F12: variants seen among roughly 807,000 people sequenced by gnomAD.
F12 encodes Hageman factor.
Under a neutral mutation model 74.8 loss-of-function variants are expected in F12, and 70 were observed. The observed-to-expected ratio is 0.94, with a 90% CI of 0.77 to 1.14. The LOEUF is 1.14. Among genes scored for constraint, F12 ranks in the 50% most tolerant of loss-of-function variants. The pLI, the probability that F12 is intolerant of heterozygous loss-of-function variation, is 0.00. For synonymous variants in F12, 373 were observed against 356.4 expected (o/e 1.05, Z -0.52); for missense variants, 811 against 835.7 (o/e 0.97, Z 0.36).
intron 3 of F12, 61 bp downstream of exon 3, chr5:177,405,901 G>T: frequency 6.2e-7 from 1 of 1,600,354 alleles, no homozygotes; most frequent in Non-Finnish European, 8.6e-7. Context: ...TCCTTGGACA[G>T]AAGGACAGGC....
rs2127360208 is a variant in F12 at position 177,404,552 on chromosome 5, G to T, written c.747C>A (p.Asn249Lys). Residue 249 changes from asparagine to lysine, a missense_variant, in exon 8 of 14, where the codon AAC (asparagine) becomes AAA (lysine). Physicochemically the swap from Asn to Lys is moderately conservative, Grantham distance 94 (BLOSUM62 0). Transcript: ENST00000253496. ...AGTTCCGCGCTTGCTCGGCAGTCAC[G>T]TTCCGGTAGGTGGCCTCCGAGGCCC... ...QPWASEATYR[N>K]VTAEQARNWG... The T allele has an allele frequency of 6.2e-7, 1 of 1,605,034 alleles. No individual in the cohort carries two copies. The highest frequency in any genetic ancestry group is 8.5e-7 in the Non-Finnish European group (1 of 1,176,954).
intron 12 of F12, 121 bp downstream of exon 12, chr5:177,403,133 T>A: frequency 7.6e-7 from 1 of 1,313,036 alleles, no homozygotes; most frequent in South Asian, 1.2e-5. Flanking sequence ...TCACAACCCA[T>A]CAGGTCAGCG....
At position 177,404,323 on chromosome 5, in the gene F12, G is replaced by A. The variant is rs1264885873; in HGVS notation, c.891C>T (p.Thr297=). 3 of 1,608,472 alleles carry A rather than the reference G, an allele frequency of 1.9e-6. No individual in the cohort carries two copies. Among genetic ancestry groups the A allele is most frequent in the Non-Finnish European group, 2.5e-6 (3 of 1,177,662 alleles). The change falls in exon 9 of 14, where the codon ACC becomes ACT. Residue 297 remains threonine (T), a synonymous_variant. Coordinates refer to ENST00000253496, the MANE Select transcript of F12 (RefSeq NM_000505.4). ...WEYCDLAQCQ[T]PTQAAPPTPV... ...GGGTCGGAGGCGCCGCCTGGGTTGG[G>A]GTCTGGCACTGTGCCAGGTCGCAGT...
chr5:177,402,512 G>A lies in F12; in HGVS notation c.1680+38C>T, dbSNP rs540555710. 22 of 1,602,116 alleles carry A rather than the reference G, an allele frequency of 1.4e-5. No homozygotes were observed. In the East Asian group the frequency reaches 3.6e-4, roughly 26 times the overall value. On this transcript the variant is annotated intron_variant, in intron 13 of 13. Coordinates refer to ENST00000253496, the MANE Select transcript of F12 (RefSeq NM_000505.4). ...TGTGGACCTGAGATTTGTGCCTGACGGCCTCGGGGAAGGGCGCCAACCGGG... is the reference window on the plus strand; with the variant it reads ...TGTGGACCTGAGATTTGTGCCTGACAGCCTCGGGGAAGGGCGCCAACCGGG...
rs17876028 is a variant in F12 at position 177,406,206 on chromosome 5, G to C, written c.116-145C>G. 1.4e-3 allele frequency: 1,058 copies of C among 773,988 alleles called. 7 individuals are homozygous for C. In the African/African-American group the frequency reaches 0.016, roughly 11 times the overall value. The allele number at this position is 773,988 out of a possible 1,614,324, so 47.9% of individuals were successfully genotyped here. A position where few individuals can be genotyped will look rare whatever the true frequency, so the allele number is the denominator to read the frequency against. ...CTTTCTGCTCTAAAAGTTGGGTTCA[G>C]GGCCGGGCGCGGTGGCTCAAGCCTG... On this transcript the variant is annotated intron_variant, in intron 2 of 13. Transcript: ENST00000253496.
chr5:177,402,789 A>C, intron 12 of F12, 91 bp from the exon 13 acceptor site: 1 of 1,542,054 alleles, frequency 6.5e-7, no homozygotes, highest in Non-Finnish European at 8.8e-7. Flanking sequence ...TTGTAAACCC[A>C]CTCATGCCCT....
Position 177,403,943 on chromosome 5 carries a change from G to T in F12, c.1166C>A (p.Ala389Glu). The T allele has an allele frequency of 6.2e-7, 1 of 1,600,726 alleles. No individual in the cohort carries two copies. Reference protein sequence around the residue: ...ALRGAHPYIAALYWGHSFCAG... With the variant: ...ALRGAHPYIAELYWGHSFCAG... ...GCAGAAACTGTGGCCCCAGTACAGC[G>T]CGGCGATGTAGGGGTGCGCCCCGCG... The change falls in exon 10 of 14, where the codon GCG (alanine) becomes GAG (glutamate). Residue 389 changes from alanine (A) to glutamate (E), a missense_variant. Transcript: ENST00000253496.
At chr5:177,407,216 A>C (rs1763314257) in intron 2 of F12, among the ~76,000 whole-genome samples, 1 of 152,206 alleles carries the variant, frequency 6.6e-6, no homozygotes, top group Non-Finnish European at 1.5e-5. Context: ...TTGTGACCAG[A>C]GGCTCACAGG....
At chr5:177,405,224 G>T in intron 5 of F12, 39 bp from the exon 6 acceptor site, 2 of 1,613,426 alleles carry the variant, frequency 1.2e-6, no homozygotes, top group Non-Finnish European at 8.5e-7. Context: ...GGAGAGTCTA[G>T]GACCATGCCA....
At chr5:177,404,701 G>T (rs916482708) in intron 7 of F12, 37 bp from the exon 8 acceptor site, 2 of 1,606,220 alleles carry the variant, frequency 1.2e-6, no homozygotes, top group Non-Finnish European at 8.5e-7. Context: ...AGCCAAGGCT[G>T]GGCTCTCCTG....
rs541208482 is a variant in F12, at chr5:177,406,484, A to G, written c.116-423T>C. On this transcript the variant is annotated intron_variant, in intron 2 of 13. Coordinates refer to ENST00000253496, the MANE Select transcript of F12 (RefSeq NM_000505.4). ...AGCCTGGGTGACAGAGTGAGACTCCATCTTAAAGAAAAAAAAAAAAACTTG... is the reference window on the plus strand; with the variant it reads ...AGCCTGGGTGACAGAGTGAGACTCCGTCTTAAAGAAAAAAAAAAAAACTTG... Among the ~76,000 whole-genome samples the G allele has an allele frequency of 1.1e-4, 17 of 151,556 alleles. No individual in the cohort carries two copies. The South Asian group carries it at 1.3e-3, about 11-fold the overall frequency.
rs1455543571 is a variant in F12 at position 177,403,269 on chromosome 5, C to T, written c.1516G>A (p.Gly506Ser). The change falls in exon 12 of 14, where the codon GGC (glycine) becomes AGC (serine). Residue 506 changes from glycine (G) to serine (S), a missense_variant. Gly to Ser is a moderately conservative substitution (Grantham distance 56). Coordinates refer to ENST00000253496, the MANE Select transcript of F12 (RefSeq NM_000505.4). ...TTGTGCCTACCCTCGAACTGGTGGC[C>T]CCAGCCGGCCACCTGGCAGAGCGTG... is the stretch of plus-strand genomic sequence containing the variant. ...ETTLCQVAGW[G>S]HQFEGAEEYA... 1.2e-6 allele frequency: 2 copies of T among 1,600,512 alleles called. No homozygotes were observed. The highest frequency in any genetic ancestry group is 1.7e-6 in the Non-Finnish European group (2 of 1,179,854).
chr5:177,406,226 A>T (rs41309746), intron 2 of F12, among the ~76,000 whole-genome samples, 165 bp from the exon 3 acceptor site: 128 of 152,244 alleles, frequency 8.4e-4, no homozygotes, highest in African/African-American at 1.9e-3. Flanking sequence ...CGGTGGCTCA[A>T]GCCTGTAATC....
intron 10 of F12, 64 bp from the exon 11 acceptor site, chr5:177,403,681 C>A: frequency 6.4e-7 from 1 of 1,572,050 alleles, no homozygotes; most frequent in Non-Finnish European, 8.6e-7. Flanking sequence ...TGGGGAAGCC[C>A]CCTGCTCCCG....
At position 177,404,537 on chromosome 5, in the gene F12, T is replaced by C. The variant is rs1217364711; in HGVS notation, c.762A>G (p.Gln254=). The C allele has an allele frequency of 6.2e-7, 1 of 1,601,618 alleles. No individual in the cohort carries two copies. Among genetic ancestry groups the C allele is most frequent in the Non-Finnish European group, 8.5e-7 (1 of 1,174,998 alleles). The change falls in exon 8 of 14, where the codon CAA becomes CAG. Residue 254 remains glutamine, a synonymous_variant. Transcript: ENST00000253496. ...GGCCGCCCAGTCCCCAGTTCCGCGCTTGCTCGGCAGTCACGTTCCGGTAGG... is the reference window on the plus strand; with the variant it reads ...GGCCGCCCAGTCCCCAGTTCCGCGCCTGCTCGGCAGTCACGTTCCGGTAGG... ...EATYRNVTAE[Q]ARNWGLGGHA...
Position 177,404,637 on chromosome 5 carries a change from C to T in F12, c.662G>A (p.Arg221His), listed in dbSNP as rs775835975. 25 of 1,606,750 alleles carry T rather than the reference C, an allele frequency of 1.6e-5. No homozygotes were observed. Among genetic ancestry groups the T allele is most frequent in the South Asian group, 2.2e-5 (2 of 91,052 alleles). ...GGCCAGGCCGCGGTAGCTGAGCCCG[C>T]GGCCATCATAGCAGCTTGCCTTGGT... ...VDTKASCYDGRGLSYRGLART... is the reference protein window; with the variant it reads ...VDTKASCYDGHGLSYRGLART... The change falls in exon 8 of 14, where the codon CGC (arginine) becomes CAC (histidine). Residue 221 changes from arginine to histidine, a missense_variant. Transcript: ENST00000253496.
intron 10 of F12, 23 bp downstream of exon 10, chr5:177,403,836 G>C: frequency 6.7e-7 from 1 of 1,501,744 alleles, no homozygotes; most frequent in Non-Finnish European, 8.9e-7. Context: ...CCCTGGGGCG[G>C]CTCTGGGCGG....
rs1024243800 is a variant in F12, at chr5:177,402,908, A to G, written c.1532-210T>C. 8 of 728,620 alleles carry G rather than the reference A, an allele frequency of 1.1e-5. No individual in the cohort carries two copies. The African/African-American group carries it at 1.2e-4, about 11-fold the overall frequency. 45.1% of individuals were successfully genotyped at this position (728,620 alleles called of 1,614,324 possible). On this transcript the variant is annotated intron_variant, in intron 12 of 13. Transcript: ENST00000253496. ...CAGGATTTGAATGGGCGGAGCGGAA[A>G]CAGAAACCCCTCCCCCACCACCCAT... is the stretch of plus-strand genomic sequence containing the variant.
intron 2 of F12, among the ~76,000 whole-genome samples, chr5:177,408,075 A>G (rs1292722595): frequency 7.0e-6 from 1 of 143,308 alleles, no homozygotes. Context: ...TTTTTTTTTG[A>G]GACGGAGTCT....
Sources: allele counts gnomAD v4.1 joint callset (sites outside exome capture counted in the v4.1 genomes callset), GRCh38; gene constraint gnomAD v4.1.1; transcripts MANE v1.5; gene names NCBI Gene and HGNC (gene_info 2026-07-23, HGNC 2026-07-21).